Variants in XCR1 observed in about 807,000 individuals in gnomAD.
The protein encoded by XCR1 is chemokine XC receptor 1.
For missense variants in XCR1, 356 were observed against 424.2 expected (o/e 0.84, Z 1.41); for synonymous variants, 187 against 188.5 (o/e 0.99, Z 0.06).
At chr3:46,041,494 G>A (rs568511111) in intron 5 of XCR1, among the ~76,000 whole-genome samples, 14 of 152,238 alleles carry the variant, frequency 9.2e-5, no homozygotes, top group Admixed American at 9.2e-4. Context: ...TTTGATTTCT[G>A]GGTGGCTGCA....
chr3:46,077,394 TG>T (rs1420535318), intron 1 of XCR1, among the ~76,000 whole-genome samples: 1 of 151,766 alleles, frequency 6.6e-6, no homozygotes, highest in Non-Finnish European at 1.5e-5. Context: ...TAATTCCTAA[TG>T]ATCTGCCACT....
chr3:46,068,266 A>G (rs1698110089), intron 3 of XCR1, among the ~76,000 whole-genome samples: 1 of 152,138 alleles, frequency 6.6e-6, no homozygotes, highest in Non-Finnish European at 1.5e-5. Context: ...GGATACACAT[A>G]TCTATACCGG....
chr3:46,039,054 TAC>T (rs1697488295), intron 5 of XCR1, among the ~76,000 whole-genome samples: 1 of 152,226 alleles, frequency 6.6e-6, no homozygotes, highest in Non-Finnish European at 1.5e-5. Flanking sequence ...CTCATGTGTG[TAC>T]TTGAAAACAA....
At chr3:46,029,248 G>A (rs1269115999), upstream of XCR1, among the ~76,000 whole-genome samples, 2 of 152,166 alleles carry the variant, frequency 1.3e-5, no homozygotes, top group African/African-American at 2.4e-5. Context: ...CTGTTGCCCC[G>A]TCTGGAGTGT....
intron 1 of XCR1, among the ~76,000 whole-genome samples, chr3:46,083,076 A>G (rs1698405338): frequency 1.3e-5 from 2 of 152,214 alleles, no homozygotes; most frequent in South Asian, 2.1e-4. Flanking sequence ...CTATGTTTCA[A>G]TGTAACTCAT....
intron 1 of XCR1, among the ~76,000 whole-genome samples, chr3:46,081,038 G>T (rs1382018792): frequency 6.6e-6 from 1 of 152,152 alleles, no homozygotes; most frequent in African/African-American, 2.4e-5. Flanking sequence ...GATGAAACCT[G>T]CCCGTGCCAA....
rs528021140 is a variant in XCR1, at chr3:46,049,560, A to G, written c.-32+4360T>C. On this transcript the variant is annotated intron_variant, in intron 5 of 5. Transcript: ENST00000683768. ...TAGCAGTTTCTATGTGACTGGCTAC[A>G]TTTACAACGTAAGCTGAATCACAGA... is the stretch of plus-strand genomic sequence containing the variant. 2.6e-5 allele frequency among the ~76,000 whole-genome samples: 4 copies of G among 152,356 alleles called. No individual in the cohort carries two copies. The South Asian group carries it at 8.3e-4, about 32-fold the overall frequency.
At position 46,021,024 on chromosome 3, in the gene XCR1, GC is replaced by G; in HGVS notation, c.923del (p.Cys308SerfsTer125). The G allele has an allele frequency of 6.2e-7, 1 of 1,613,460 alleles. No individual in the cohort carries two copies. Among genetic ancestry groups the G allele is most frequent in the Non-Finnish European group, 8.5e-7 (1 of 1,179,670 alleles). On this transcript the variant is annotated frameshift_variant, in exon 2 of 2. Transcript: ENST00000309285. LOFTEE classifies it low-confidence loss of function (END_TRUNC). The surrounding 1 kb of genome is among the most constrained non-coding windows in gnomAD (Gnocchi z 4.7). ...LKHVLRQFWFCRLQAPSPASI... is the reference protein window; with the variant it reads ...LKHVLRQFWFXRLQAPSPASI... ...AGGCTGGGCTGGGTGCCTGCAGCCG[GC>G]AGAACCAGAACTGCCGGAGAACATG...
At position 46,021,626 on chromosome 3, in the gene XCR1, T is replaced by C; in HGVS notation, c.322A>G (p.Ile108Val). 1.2e-6 allele frequency: 2 copies of C among 1,613,374 alleles called. No homozygotes were observed. Among genetic ancestry groups the C allele is most frequent in the Non-Finnish European group, 1.7e-6 (2 of 1,179,816 alleles). The change falls in exon 2 of 2, where the codon ATC (isoleucine) becomes GTC (valine). Residue 108 changes from isoleucine (I) to valine (V), a missense_variant. Ile to Val is a conservative substitution (Grantham distance 29, BLOSUM62 3). Coordinates refer to ENST00000309285, the MANE Select transcript of XCR1 (RefSeq NM_001024644.2). This position sits in a 1 kb window ranked among gnomAD's most constrained non-coding sequence, Gnocchi z 4.7. ...GDFLCKLLNM[I>V]FSISLYSSIF... ...CTGCTGTAGAGGCTGATGGAGAAGA[T>C]CATATTGAGGAGTTTGCAGAGGAAG... is the stretch of plus-strand genomic sequence containing the variant.
chr3:46,032,887 G>T (rs146432240), intron 5 of XCR1, among the ~76,000 whole-genome samples: 1 of 152,136 alleles, frequency 6.6e-6, no homozygotes, highest in African/African-American at 2.4e-5. Context: ...ATATGATGTT[G>T]AGCATCTTTT....
intron 1 of XCR1, among the ~76,000 whole-genome samples, chr3:46,025,829 A>G (rs1708277525): frequency 1.3e-5 from 2 of 152,210 alleles, no homozygotes; most frequent in African/African-American, 2.4e-5. Flanking sequence ...TTATGAGGCC[A>G]GAATAACCCT....
chr3:46,046,071 T>C (rs1697619751), intron 5 of XCR1, among the ~76,000 whole-genome samples: 1 of 152,160 alleles, frequency 6.6e-6, no homozygotes, highest in African/African-American at 2.4e-5. Flanking sequence ...TGCAGCAACA[T>C]GGAGAGAACT....
In XCR1 at chr3:46,021,609, G is replaced by C. The variant is rs755678612; in HGVS notation, c.339C>G (p.Leu113=). The C allele has an allele frequency of 5.1e-5, 82 of 1,613,214 alleles. No individual in the cohort carries two copies. The highest frequency in any genetic ancestry group is 1.6e-4 in the Middle Eastern group (1 of 6,084). ...TGGTCAGGAAGAAGATGCTGCTGTA[G>C]AGGCTGATGGAGAAGATCATATTGA... is the stretch of plus-strand genomic sequence containing the variant. ...KLLNMIFSIS[L]YSSIFFLTIM... The change falls in exon 2 of 2, where the codon CTC becomes CTG. Residue 113 remains leucine (L), a synonymous_variant. Transcript: ENST00000309285. This position sits in a 1 kb window ranked among gnomAD's most constrained non-coding sequence, Gnocchi z 4.7.
At chr3:46,054,547 GA>G (rs1245739345) in intron 4 of XCR1, among the ~76,000 whole-genome samples, 16 of 149,612 alleles carry the variant, frequency 1.1e-4, no homozygotes, top group South Asian at 4.2e-4. Context: ...TCAAAAGGAC[GA>G]GGGGGGGGCG....
chr3:46,052,039 C>A (rs111437283), intron 5 of XCR1, among the ~76,000 whole-genome samples: 10 of 98,092 alleles, frequency 1.0e-4, no homozygotes, highest in African/African-American at 3.7e-4. Flanking sequence ...AAAACAAAAA[C>A]AAAAAAAAAA....
chr3:46,030,954 G>A (rs998235428), upstream of XCR1, among the ~76,000 whole-genome samples: 3 of 152,258 alleles, frequency 2.0e-5, no homozygotes, highest in Admixed American at 1.3e-4. Context: ...GGAGTGTCAG[G>A]TTCATTTGTG....
chr3:46,076,577 G>GAA (rs3053293), intron 2 of XCR1, among the ~76,000 whole-genome samples: 197 of 135,838 alleles, frequency 1.5e-3, no homozygotes, highest in East Asian at 2.0e-3. Context: ...CCATTATTTT[G>GAA]AAAAAAAAAA....
chr3:46,058,985 T>C (rs1457513728), intron 4 of XCR1, among the ~76,000 whole-genome samples: 1 of 152,176 alleles, frequency 6.6e-6, no homozygotes, highest in African/African-American at 2.4e-5. Context: ...CTAAATATTG[T>C]TGAGTCTTCT....
intron 1 of XCR1, among the ~76,000 whole-genome samples, chr3:46,024,830 T>G (rs1441735652): frequency 6.6e-6 from 1 of 152,210 alleles, no homozygotes; most frequent in Non-Finnish European, 1.5e-5. Flanking sequence ...AAATATCCTT[T>G]GTTTTTAATG....
Sources: gnomAD v4.1 joint callset for allele counts (sites outside exome capture counted in the v4.1 genomes callset) on GRCh38, gnomAD v4.1.1 for gene constraint, Gnocchi (gnomAD v3.1) non-coding constraint, MANE v1.5 for transcripts, NCBI Gene and HGNC (gene_info 2026-07-23, HGNC 2026-07-21) for gene names.